Variants in MGAT4C observed in about 807,000 individuals in gnomAD.
MGAT4C encodes alpha-1,3-mannosyl-glycoprotein 4-beta-N-acetylglucosaminyltransferase C.
MGAT4C carries 19 observed loss-of-function variants against 40.1 expected under a neutral mutation model. That is an observed-to-expected ratio of 0.47 (90% confidence interval 0.33 to 0.70). The LOEUF is 0.70. Among genes scored for constraint, MGAT4C ranks in the 30% least tolerant of loss-of-function variants. MGAT4C has a pLI of 0.02. For missense variants in MGAT4C, 491 were observed against 563.2 expected (o/e 0.87, Z 1.30); for synonymous variants, 181 against 187.1 (o/e 0.97, Z 0.27).
intron 2 of MGAT4C, among the ~76,000 whole-genome samples, chr12:86,453,488 TA>T (rs558222843): frequency 2.5e-4 from 38 of 152,148 alleles, no homozygotes; most frequent in Admixed American, 1.2e-3. Context: ...CAGCTATGAG[TA>T]AAAGAAACTT....
chr12:86,596,008 C>T (rs1305364115), intron 2 of MGAT4C, among the ~76,000 whole-genome samples: 1 of 152,096 alleles, frequency 6.6e-6, no homozygotes, highest in African/African-American at 2.4e-5. Flanking sequence ...ACGCTATTAA[C>T]TAATCCTTGT....
At chr12:86,694,262 C>T (rs2136602918) in intron 2 of MGAT4C, among the ~76,000 whole-genome samples, 1 of 151,684 alleles carries the variant, frequency 6.6e-6, no homozygotes, top group Admixed American at 6.6e-5. Context: ...TTTTCTTCTT[C>T]TATTGTACTT....
At chr12:86,360,706 A>G (rs1480430267) in intron 3 of MGAT4C, among the ~76,000 whole-genome samples, 1 of 152,218 alleles carries the variant, frequency 6.6e-6, no homozygotes, top group African/African-American at 2.4e-5. Flanking sequence ...ACAAACAGAG[A>G]GCCAAATCAT....
intron 2 of MGAT4C, among the ~76,000 whole-genome samples, chr12:86,028,846 C>A (rs1890480040): frequency 1.3e-5 from 2 of 151,842 alleles, no homozygotes; most frequent in Non-Finnish European, 2.9e-5. Context: ...CATATTATGA[C>A]TAAGAAATGA....
intron 2 of MGAT4C, among the ~76,000 whole-genome samples, chr12:86,543,537 A>G (rs952357968): frequency 6.6e-6 from 1 of 152,070 alleles, no homozygotes; most frequent in African/African-American, 2.4e-5. Context: ...ACTATGTTCC[A>G]GGTATAGTAC....
chr12:86,649,557 TAAG>T (rs1963639229), intron 2 of MGAT4C, among the ~76,000 whole-genome samples: 1 of 151,790 alleles, frequency 6.6e-6, no homozygotes, highest in African/African-American at 2.4e-5. Context: ...TATTCTGTTA[TAAG>T]AAGAGAGTAA....
At chr12:86,542,572 T>C (rs1337360820) in intron 2 of MGAT4C, among the ~76,000 whole-genome samples, 4 of 152,220 alleles carry the variant, frequency 2.6e-5, no homozygotes, top group Non-Finnish European at 5.9e-5. Flanking sequence ...TTAATACATA[T>C]CTTTTCCTCT....
At chr12:86,281,346 C>G (rs565646672) in intron 4 of MGAT4C, among the ~76,000 whole-genome samples, 2 of 152,030 alleles carry the variant, frequency 1.3e-5, no homozygotes, top group Non-Finnish European at 2.9e-5. Context: ...ATTTCCTCCC[C>G]CTTTCCTTCC....
chr12:86,681,873 G>T (rs1949989143), intron 2 of MGAT4C, among the ~76,000 whole-genome samples: 1 of 151,974 alleles, frequency 6.6e-6, no homozygotes, highest in South Asian at 2.1e-4. Context: ...CTAGAACCTG[G>T]AAAGTAGAAA....
At chr12:86,781,947 G>GA (rs1565986525) in intron 1 of MGAT4C, among the ~76,000 whole-genome samples, 7 of 151,150 alleles carry the variant, frequency 4.6e-5, no homozygotes, top group South Asian at 4.2e-4. Context: ...ACTTAATTTT[G>GA]AAAAAAACTC....
intron 1 of MGAT4C, among the ~76,000 whole-genome samples, chr12:86,200,098 C>A: frequency 7.0e-6 from 1 of 142,734 alleles, no homozygotes. Context: ...TCTGTAACTT[C>A]ATCACAATGG....
intron 4 of MGAT4C, among the ~76,000 whole-genome samples, chr12:86,312,424 A>C (rs1352395938): frequency 1.3e-5 from 2 of 152,234 alleles, no homozygotes; most frequent in Admixed American, 6.5e-5. Flanking sequence ...TTTCTCGCAC[A>C]TATAAGGCAG....
chr12:86,041,129 A>G (rs1326030829), intron 2 of MGAT4C, among the ~76,000 whole-genome samples: 1 of 142,160 alleles, frequency 7.0e-6, no homozygotes, highest in Non-Finnish European at 1.5e-5. Context: ...TTATTCAGCC[A>G]TCTTGCCCAT....
At chr12:86,438,394 G>A (rs1957172752) in intron 2 of MGAT4C, among the ~76,000 whole-genome samples, 1 of 151,916 alleles carries the variant, frequency 6.6e-6, no homozygotes, top group Admixed American at 6.6e-5. Flanking sequence ...CCCTCTGTAT[G>A]ACTTAAAAGT....
chr12:85,973,571 TTTA>T lies in MGAT4C; in HGVS notation c.*5715_*5717del, dbSNP rs1254393767. Reference sequence around the variant, plus strand: ...TATTTTATAGAAAAATATTGAATATTTTATTATTATGTCTTTGGCTCACCTACT... The same window carrying T: ...TATTTTATAGAAAAATATTGAATATTTTATTATGTCTTTGGCTCACCTACT... On this transcript the variant is annotated 3_prime_UTR_variant, in exon 5 of 5. Transcript: ENST00000611864. 1 of 150,850 alleles carries T rather than the reference TTTA, an allele frequency of 6.6e-6. No individual in the cohort carries two copies. The highest frequency in any genetic ancestry group is 2.4e-5 in the African/African-American group (1 of 41,334). The allele number at this position is 150,850 out of a possible 1,614,324, so 9.3% of individuals were successfully genotyped here. A position where few individuals can be genotyped will look rare whatever the true frequency, so the allele number is the denominator to read the frequency against.
intron 1 of MGAT4C, among the ~76,000 whole-genome samples, chr12:86,211,846 A>G (rs1950483825): frequency 6.6e-6 from 1 of 151,942 alleles, no homozygotes; most frequent in Non-Finnish European, 1.5e-5. Flanking sequence ...TTGGAAAGTA[A>G]GCCCTGCTAA....
chr12:86,072,338 T>C (rs1427410124), intron 1 of MGAT4C, among the ~76,000 whole-genome samples: 1 of 152,042 alleles, frequency 6.6e-6, no homozygotes, highest in Non-Finnish European at 1.5e-5. Context: ...GTTAGCTGTT[T>C]TTTTTTCCCC....
chr12:85,996,181 T>A (rs894927567), intron 2 of MGAT4C, among the ~76,000 whole-genome samples: 4 of 152,002 alleles, frequency 2.6e-5, no homozygotes, highest in African/African-American at 4.8e-5. Flanking sequence ...ATAACTGAGA[T>A]GATAGAATTA....
intron 4 of MGAT4C, among the ~76,000 whole-genome samples, chr12:86,332,041 C>T (rs992476015): frequency 1.3e-5 from 2 of 151,936 alleles, no homozygotes; most frequent in African/African-American, 4.8e-5. Flanking sequence ...GTAAATGCAG[C>T]GTAAAGGCAT....
Sources: gnomAD v4.1 joint callset for allele counts (sites outside exome capture counted in the v4.1 genomes callset) on GRCh38, gnomAD v4.1.1 for gene constraint, MANE v1.5 for transcripts, NCBI Gene and HGNC (gene_info 2026-07-23, HGNC 2026-07-21) for gene names.